CDH12: variants seen among roughly 807,000 people sequenced by gnomAD.
CDH12 encodes the protein cadherin-12.
Under a neutral mutation model 74.1 loss-of-function variants are expected in CDH12, and 41 were observed. The observed-to-expected ratio is 0.55, with a 90% CI of 0.43 to 0.72. The LOEUF is 0.72. CDH12 is among the 30% of genes least tolerant of loss of function. CDH12 has a pLI of 0.00. For synonymous variants in CDH12, 399 were observed against 355.0 expected (o/e 1.12, Z -1.39); for missense variants, 945 against 977.2 (o/e 0.97, Z 0.44).
At chr5:21,889,963 GAC>G in intron 6 of CDH12, 1 of 364,568 alleles carries the variant, frequency 2.7e-6, no homozygotes, top group Non-Finnish European at 3.8e-6. Context: ...TGTAGTCTAA[GAC>G]ACTTCCTTCT....
chr5:22,079,261 G>T (rs1742548697), intron 4 of CDH12, among the ~76,000 whole-genome samples: 1 of 152,110 alleles, frequency 6.6e-6, no homozygotes, highest in Admixed American at 6.5e-5. Context: ...TGCATTTTAA[G>T]ATTTCTAGTA....
chr5:22,186,660 G>A (rs1268072427), intron 4 of CDH12, among the ~76,000 whole-genome samples: 2 of 152,038 alleles, frequency 1.3e-5, no homozygotes, highest in Middle Eastern at 3.2e-3. Context: ...TACTGGAGGC[G>A]GCTTTTCACC....
At position 22,095,864 on chromosome 5, in the gene CDH12, C is replaced by T. The variant is rs190468532; in HGVS notation, c.-186-17002G>A. Reference sequence around the variant, plus strand: ...TCTCTGCGCCCCGATCCCTTATTTCCGTGCCCCGACCTCTTATCTCTGCAC... The same window carrying T: ...TCTCTGCGCCCCGATCCCTTATTTCTGTGCCCCGACCTCTTATCTCTGCAC... On this transcript the variant is annotated intron_variant, in intron 4 of 14. Transcript: ENST00000382254. Among the ~76,000 whole-genome samples, 260 of 151,904 alleles carry T rather than the reference C, an allele frequency of 1.7e-3. 2 individuals carry two copies. The highest frequency in any genetic ancestry group is 1.0e-3 in the Non-Finnish European group (68 of 67,954).
intron 1 of CDH12, among the ~76,000 whole-genome samples, chr5:22,782,098 A>G (rs1451127845): frequency 6.6e-6 from 1 of 152,172 alleles, no homozygotes; most frequent in Non-Finnish European, 1.5e-5. Context: ...GCTCATAGGC[A>G]GAAGGGACTC....
At chr5:22,619,076 C>T (rs971709466) in intron 1 of CDH12, among the ~76,000 whole-genome samples, 2 of 152,128 alleles carry the variant, frequency 1.3e-5, no homozygotes, top group African/African-American at 2.4e-5. Flanking sequence ...CAGATGAATA[C>T]ACCTTCTTAC....
intron 7 of CDH12, among the ~76,000 whole-genome samples, chr5:21,850,713 G>A (rs1470438975): frequency 6.6e-6 from 1 of 151,366 alleles, no homozygotes. Context: ...TCAGTCATGT[G>A]GGCAAACTTT....
intron 1 of CDH12, among the ~76,000 whole-genome samples, chr5:22,627,925 AG>A (rs1738381849): frequency 6.6e-6 from 1 of 152,154 alleles, no homozygotes; most frequent in African/African-American, 2.4e-5. Context: ...AGAAAAAAAA[AG>A]TAAGGATTAA....
chr5:22,175,243 T>C (rs1171854678), intron 4 of CDH12, among the ~76,000 whole-genome samples: 2 of 151,968 alleles, frequency 1.3e-5, no homozygotes, highest in African/African-American at 2.4e-5. Context: ...TTGTTACACA[T>C]TGTGTGTAAT....
chr5:22,527,761 A>G (rs1737354068), intron 1 of CDH12, among the ~76,000 whole-genome samples: 1 of 152,086 alleles, frequency 6.6e-6, no homozygotes, highest in South Asian at 2.1e-4. Context: ...GAACATTTGA[A>G]TCTCGTTCTC....
chr5:22,380,245 T>TC (rs2126379239), intron 3 of CDH12, among the ~76,000 whole-genome samples: 1 of 152,286 alleles, frequency 6.6e-6, no homozygotes, highest in East Asian at 1.9e-4. Context: ...AAGCTACATT[T>TC]AAAAAATTAA....
intron 3 of CDH12, among the ~76,000 whole-genome samples, chr5:22,334,458 C>A (rs1267045046): frequency 6.6e-6 from 1 of 152,014 alleles, no homozygotes; most frequent in Non-Finnish European, 1.5e-5. Flanking sequence ...TCAATGCAAT[C>A]CCTATGAAAA....
At chr5:22,236,490 T>C (rs918049394) in intron 3 of CDH12, among the ~76,000 whole-genome samples, 3 of 152,144 alleles carry the variant, frequency 2.0e-5, no homozygotes, top group Non-Finnish European at 4.4e-5. Context: ...CCCGGCACTT[T>C]GGGAGGCCGA....
At position 22,412,369 on chromosome 5, in the gene CDH12, G is replaced by A. The variant is rs138048788; in HGVS notation, c.-427-7018C>T. Among the ~76,000 whole-genome samples the A allele has an allele frequency of 4.6e-5, 7 of 151,802 alleles. No homozygotes were observed. In the East Asian group the frequency reaches 9.7e-4, roughly 21 times the overall value. Reference sequence around the variant, plus strand: ...AATTCAGAAATGTTTCATGTCTTTCGGTTTATTTTATAGGACCACACACCG... The same window carrying A: ...AATTCAGAAATGTTTCATGTCTTTCAGTTTATTTTATAGGACCACACACCG... On this transcript the variant is annotated intron_variant, in intron 2 of 14. Coordinates refer to ENST00000382254, the MANE Select transcript of CDH12 (RefSeq NM_004061.5).
At chr5:22,282,940 G>A (rs754364486) in intron 3 of CDH12, among the ~76,000 whole-genome samples, 2 of 151,852 alleles carry the variant, frequency 1.3e-5, no homozygotes, top group Non-Finnish European at 1.5e-5. Flanking sequence ...ACAAGCACAC[G>A]TATGTTTATT....
At chr5:22,551,702 G>A (rs897810287) in intron 1 of CDH12, among the ~76,000 whole-genome samples, 7 of 151,296 alleles carry the variant, frequency 4.6e-5, no homozygotes, top group African/African-American at 1.7e-4. Context: ...AAATGCCTAT[G>A]GAAAAAAGAA....
At chr5:22,268,485 T>G (rs1736237995) in intron 3 of CDH12, among the ~76,000 whole-genome samples, 1 of 152,100 alleles carries the variant, frequency 6.6e-6, no homozygotes, top group Non-Finnish European at 1.5e-5. Flanking sequence ...TCAGAAAACT[T>G]TTATAAACTT....
intron 1 of CDH12, among the ~76,000 whole-genome samples, chr5:22,571,980 A>G (rs1180575571): frequency 1.3e-5 from 2 of 152,214 alleles, no homozygotes; most frequent in Non-Finnish European, 2.9e-5. Context: ...ACACAGAGAC[A>G]TAAAGTAAGC....
intron 3 of CDH12, among the ~76,000 whole-genome samples, chr5:22,293,609 C>T (rs1456814064): frequency 1.3e-5 from 2 of 151,766 alleles, no homozygotes; most frequent in Non-Finnish European, 2.9e-5. Flanking sequence ...AAATGTGGTA[C>T]ACATATACAT....
intron 1 of CDH12, among the ~76,000 whole-genome samples, chr5:22,555,888 T>C (rs1304737996): frequency 1.3e-5 from 2 of 151,796 alleles, no homozygotes; most frequent in African/African-American, 2.4e-5. Context: ...ACAAGATATA[T>C]ATTACAACAA....
Sources: gnomAD v4.1 joint callset for allele counts (sites outside exome capture counted in the v4.1 genomes callset) on GRCh38, gnomAD v4.1.1 for gene constraint, MANE v1.5 for transcripts, NCBI Gene and HGNC (gene_info 2026-07-23, HGNC 2026-07-21) for gene names.